LRRK1: variants seen among roughly 807,000 people sequenced by gnomAD.
LRRK1 encodes leucine rich repeat kinase 1.
LRRK1 carries 113 observed loss-of-function variants against 209.1 expected under a neutral mutation model. The ratio of observed to expected loss-of-function variants is 0.54; its 90% CI spans 0.46 to 0.63. The LOEUF is 0.63. Among genes scored for constraint, LRRK1 ranks in the 30% least tolerant of loss-of-function variants. The probability of loss-of-function intolerance (pLI) is 0.00; values close to 1 mark genes in which losing one functional copy is unlikely to be tolerated. For missense variants in LRRK1, 2,284 were observed against 2,632.2 expected (o/e 0.87, Z 2.89); for synonymous variants, 1,144 against 1,099.7 (o/e 1.04, Z -0.80).
rs777607829 is a variant in LRRK1 at position 100,973,848 on chromosome 15, C to T, written c.142C>T (p.Pro48Ser). 62 of 1,291,986 alleles carry T rather than the reference C, an allele frequency of 4.8e-5. No homozygotes were observed. Among genetic ancestry groups the T allele is most frequent in the Non-Finnish European group, 6.1e-5 (62 of 1,016,052 alleles). 80.0% of individuals were successfully genotyped at this position (1,291,986 alleles called of 1,614,324 possible). Residue 48 changes from proline to serine, a missense_variant, in exon 3 of 34, where the codon CCT (proline) becomes TCT (serine). By Grantham distance (74) the Pro-to-Ser change is moderately conservative (BLOSUM62 -1). Around this residue, in one of 6 missense-constraint regions of LRRK1, gnomAD observed 174 missense variants for 133.5 expected, o/e 1.30. Transcript: ENST00000388948. ...GGKPSTRGGD[P>S]AARSRRTEGI... ...CAAGCCGTCCACGCGGGGCGGTGAC[C>T]CTGCAGCGCGGTCCCGCAGGACGGA... is the stretch of plus-strand genomic sequence containing the variant.
chr15:100,926,320 T>C (rs1187335656), intron 2 of LRRK1, among the ~76,000 whole-genome samples: 25 of 152,242 alleles, frequency 1.6e-4, no homozygotes, highest in Non-Finnish European at 5.9e-5. Flanking sequence ...CCTCCACCTT[T>C]CCAGTGCACG....
chr15:101,066,005 C>A lies in LRRK1; in HGVS notation c.5568C>A (p.Pro1856=), dbSNP rs1288953759. 44 of 1,614,020 alleles carry A rather than the reference C, an allele frequency of 2.7e-5. No homozygotes were observed. The highest frequency in any genetic ancestry group is 3.6e-5 in the Non-Finnish European group (42 of 1,180,032). ...SSPPRQAARS[P]SSLPSSPASS... ...CACCCCGCCAGGCTGCCAGGTCCCC[C>A]TCAAGCCTCCCCAGCTCCCCAGCAA... Residue 1856 remains proline (P), a synonymous_variant, in exon 32 of 34, where the codon CCC becomes CCA. Transcript: ENST00000388948.
chr15:100,926,580 T>A (rs1249257712), intron 2 of LRRK1, among the ~76,000 whole-genome samples: 1 of 76,928 alleles, frequency 1.3e-5, no homozygotes. Context: ...CTGGACCCAC[T>A]GGAGCAGCAT....
chr15:101,068,825 G>A lies in LRRK1; in HGVS notation c.6025G>A (p.Ala2009Thr), dbSNP rs2036673118. The change falls in exon 34 of 34, where the codon GCT becomes ACT. Residue 2009 changes from alanine (A) to threonine (T), a missense_variant. Coordinates refer to ENST00000388948, the MANE Select transcript of LRRK1 (RefSeq NM_024652.6). The stretch of plus-strand genomic sequence containing the variant: ...CTACGAGGAGCTGGGCCGGCTGGAG[G>A]CTTGCACTCGCAAGAGAAGGTAATT... The part of the protein sequence containing the change: ...QSYEELGRLE[A>T]CTRKRR 1 of 1,606,618 alleles carries A rather than the reference G, an allele frequency of 6.2e-7. No homozygotes were observed. Among genetic ancestry groups the A allele is most frequent in the South Asian group, 1.1e-5 (1 of 90,076 alleles).
intron 4 of LRRK1, among the ~76,000 whole-genome samples, chr15:100,988,319 C>A (rs1479268893): frequency 6.6e-6 from 1 of 152,136 alleles, no homozygotes; most frequent in Non-Finnish European, 1.5e-5. Flanking sequence ...ATCAAGTAGT[C>A]CCCAGTGTCT....
At chr15:100,961,409 C>T (rs1434096250) in intron 2 of LRRK1, among the ~76,000 whole-genome samples, 1 of 152,096 alleles carries the variant, frequency 6.6e-6, no homozygotes, top group African/African-American at 2.4e-5. Context: ...AATCCCAGCA[C>T]TTTGGGAGGC....
chr15:100,923,594 G>A (rs545192586), intron 1 of LRRK1, among the ~76,000 whole-genome samples: 1 of 152,254 alleles, frequency 6.6e-6, no homozygotes, highest in South Asian at 2.1e-4. Context: ...CCTCCCTCTG[G>A]TCCTTCAATC....
chr15:101,024,078 T>G lies in LRRK1; in HGVS notation c.2068-725T>G, dbSNP rs1432704964. On this transcript the variant is annotated intron_variant, in intron 15 of 33. Transcript: ENST00000388948. This position sits in a 1 kb window ranked among gnomAD's most constrained non-coding sequence, Gnocchi z 4.6. ...TGCGATGATTAAAACCCCCTACCCT[T>G]TAGTGGAAGGACAATCCTGTGAAGG... is the stretch of plus-strand genomic sequence containing the variant. Among the ~76,000 whole-genome samples the G allele has an allele frequency of 1.3e-5, 2 of 152,050 alleles. No homozygotes were observed. The highest frequency in any genetic ancestry group is 3.9e-4 in the East Asian group (2 of 5,180).
At chr15:100,981,224 G>T (rs2031577783) in intron 3 of LRRK1, among the ~76,000 whole-genome samples, 2 of 152,174 alleles carry the variant, frequency 1.3e-5, no homozygotes, top group African/African-American at 2.4e-5. Context: ...CCTTGGGCTG[G>T]CTCCTATGAC....
intron 2 of LRRK1, among the ~76,000 whole-genome samples, chr15:100,956,742 C>T (rs1230496286): frequency 6.6e-6 from 1 of 152,048 alleles, no homozygotes; most frequent in Non-Finnish European, 1.5e-5. Flanking sequence ...GGATTGCAGG[C>T]GTGAGCCACC....
chr15:101,045,566 C>T (rs545340253), intron 20 of LRRK1, among the ~76,000 whole-genome samples: 1 of 152,324 alleles, frequency 6.6e-6, no homozygotes, highest in South Asian at 2.1e-4. Context: ...CTAATATCTG[C>T]ATTGTCCTTG....
At chr15:100,972,337 A>T (rs28610121) in intron 2 of LRRK1, among the ~76,000 whole-genome samples, 63 of 51,314 alleles carry the variant, frequency 1.2e-3, no homozygotes, top group South Asian at 2.9e-3. Flanking sequence ...TATATATATG[A>T]GAGAGAGAGA....
At chr15:101,015,442 G>GC in intron 12 of LRRK1, 40 bp downstream of exon 12, 1 of 1,492,406 alleles carries the variant, frequency 6.7e-7, no homozygotes, top group African/African-American at 1.4e-5. Flanking sequence ...AGATGAGACA[G>GC]CCGGGGTAGC....
At chr15:101,058,284 A>G (rs1379878615) in intron 29 of LRRK1, 143 bp downstream of exon 29, 1 of 785,618 alleles carries the variant, frequency 1.3e-6, no homozygotes, top group African/African-American at 1.8e-5. Context: ...TGCACTCAAG[A>G]AAGAGCAGGG....
chr15:100,925,591 C>T (rs750486804), intron 2 of LRRK1, among the ~76,000 whole-genome samples: 2 of 152,176 alleles, frequency 1.3e-5, no homozygotes, highest in Admixed American at 6.5e-5. Context: ...GCTCTTGGCA[C>T]GTATTTTGCC....
chr15:100,998,686 T>C (rs904113310), intron 6 of LRRK1, among the ~76,000 whole-genome samples: 2 of 151,954 alleles, frequency 1.3e-5, no homozygotes, highest in Admixed American at 1.3e-4. Flanking sequence ...CTTGGATAGA[T>C]AGATGGGTCA....
At chr15:100,928,244 C>T (rs2042148006) in intron 2 of LRRK1, among the ~76,000 whole-genome samples, 1 of 152,230 alleles carries the variant, frequency 6.6e-6, no homozygotes, top group East Asian at 1.9e-4. Flanking sequence ...AGATCTGCCT[C>T]CACTGGCCTC....
chr15:100,954,766 C>T (rs4965741), intron 2 of LRRK1, among the ~76,000 whole-genome samples: 138,092 of 152,294 alleles, frequency 0.91, 62,797 homozygotes, highest in East Asian at 0.99. Context: ...CTCCATTGTG[C>T]ATTTTAGGCA....
chr15:100,980,545 G>A (rs1438371427), intron 3 of LRRK1, among the ~76,000 whole-genome samples: 1 of 152,168 alleles, frequency 6.6e-6, no homozygotes. Context: ...GTGACAAAAT[G>A]CAGAACTATA....
Sources: allele counts gnomAD v4.1 joint callset (sites outside exome capture counted in the v4.1 genomes callset), GRCh38; gene constraint gnomAD v4.1.1; regional missense constraint gnomAD v4.1.1; non-coding constraint Gnocchi (gnomAD v3.1); transcripts MANE v1.5; gene names NCBI Gene and HGNC (gene_info 2026-07-23, HGNC 2026-07-21).